TCF20: variants seen among roughly 807,000 people sequenced by gnomAD.
TCF20 encodes the protein SPRE-binding protein.
A neutral mutation model predicts 148.6 loss-of-function variants in TCF20; 3 were observed. The ratio of observed to expected loss-of-function variants is 0.02; its 90% confidence interval spans 0.01 to 0.05. The LOEUF (loss-of-function observed/expected upper bound fraction) is 0.05. Ranked by LOEUF, TCF20 falls within the 10% of genes least tolerant of loss-of-function variation. The probability of loss-of-function intolerance (pLI) is 1.00; values close to 1 mark genes in which losing one functional copy is unlikely to be tolerated. For synonymous variants in TCF20, 1,049 were observed against 909.5 expected (o/e 1.15, Z -2.76); for missense variants, 2,350 against 2,429.3 (o/e 0.97, Z 0.69).
At chr22:42,288,343 C>G (rs1027785124), upstream of TCF20, among the ~76,000 whole-genome samples, 1 of 152,082 alleles carries the variant, frequency 6.6e-6, no homozygotes. Flanking sequence ...CGAGACCATC[C>G]TGGCCAACAT....
chr22:42,188,538 C>T (rs1287617081), intron 2 of TCF20, among the ~76,000 whole-genome samples: 3 of 152,024 alleles, frequency 2.0e-5, no homozygotes, highest in African/African-American at 7.3e-5. Context: ...ATCCTGATTC[C>T]ACAGCATAAA....
intron 1 of TCF20, among the ~76,000 whole-genome samples, chr22:42,247,745 A>C (rs1246914020): frequency 3.3e-5 from 5 of 152,158 alleles, no homozygotes; most frequent in African/African-American, 1.2e-4. Context: ...ACTATTCACG[A>C]AGCTACAAGA....
At chr22:42,270,693 C>T (rs899079321), upstream of TCF20, among the ~76,000 whole-genome samples, 1 of 119,454 alleles carries the variant, frequency 8.4e-6, no homozygotes, top group African/African-American at 3.0e-5. Flanking sequence ...GGGGAGGCTC[C>T]GGGCCGCGGC....
At chr22:42,189,627 C>T (rs772302767) in intron 2 of TCF20, among the ~76,000 whole-genome samples, 2 of 152,118 alleles carry the variant, frequency 1.3e-5, no homozygotes, top group African/African-American at 2.4e-5. Context: ...TTGTAAGACA[C>T]GAGGAAGAGA....
At position 42,214,862 on chromosome 22, in the gene TCF20, A is replaced by G. The variant is rs766017296; in HGVS notation, c.444T>C (p.Gly148=). ...TGTAATCCTGCTGATAATGTGACAC[A>G]CCGCCAAGGCCAGAGTGCTGTGCTT... ...QFQAQHSGLG[G]VSHYQQDYTG... is the part of the protein sequence containing the mutation. The change falls in exon 2 of 6, where the codon GGT becomes GGC. Residue 148 remains glycine (G), a synonymous_variant. Coordinates refer to ENST00000677622, the MANE Select transcript of TCF20 (RefSeq NM_001378418.1). 2 of 1,614,136 alleles carry G rather than the reference A, an allele frequency of 1.2e-6. No homozygotes were observed. Among genetic ancestry groups the G allele is most frequent in the Non-Finnish European group, 8.5e-7 (1 of 1,180,032 alleles).
intron 2 of TCF20, among the ~76,000 whole-genome samples, chr22:42,185,343 C>A (rs1431468966): frequency 6.6e-6 from 1 of 152,200 alleles, no homozygotes; most frequent in Non-Finnish European, 1.5e-5. Context: ...TTCTTGCACC[C>A]CCCAAGGACT....
intron 3 of TCF20, among the ~76,000 whole-genome samples, chr22:42,177,652 CT>C (rs1164366361): frequency 4.6e-5 from 7 of 152,296 alleles, no homozygotes; most frequent in Admixed American, 2.0e-4. Context: ...AAACATCCCC[CT>C]ATCATCTCAG....
intron 1 of TCF20, among the ~76,000 whole-genome samples, chr22:42,248,129 A>G (rs1925071950): frequency 6.6e-6 from 1 of 152,182 alleles, no homozygotes; most frequent in Non-Finnish European, 1.5e-5. Flanking sequence ...ACTGTCAGAT[A>G]ATTGCTGTGA....
intron 1 of TCF20, among the ~76,000 whole-genome samples, chr22:42,305,975 G>A (rs1277887248): frequency 6.6e-6 from 1 of 152,314 alleles, no homozygotes; most frequent in East Asian, 1.9e-4. Context: ...GCAAAGGCTG[G>A]CATTGGCTGA....
chr22:42,224,631 A>G (rs1211130091), intron 1 of TCF20, among the ~76,000 whole-genome samples: 2 of 151,966 alleles, frequency 1.3e-5, no homozygotes, highest in African/African-American at 2.4e-5. Flanking sequence ...CAAAAAAACA[A>G]AATACCAACA....
chr22:42,311,380 C>T (rs1304711574), intron 1 of TCF20, among the ~76,000 whole-genome samples: 1 of 152,224 alleles, frequency 6.6e-6, no homozygotes, highest in Non-Finnish European at 1.5e-5. Context: ...CCCCCTGTGC[C>T]TCAGTTTCCT....
At chr22:42,289,914 G>A (rs1451987240) in intron 1 of TCF20, among the ~76,000 whole-genome samples, 1 of 152,204 alleles carries the variant, frequency 6.6e-6, no homozygotes, top group East Asian at 1.9e-4. Flanking sequence ...GCTACTTAGC[G>A]CCAGATTAAT....
chr22:42,208,584 CAACAA>C lies in TCF20; in HGVS notation c.5655+1062_5655+1066del, dbSNP rs534669206. Among the ~76,000 whole-genome samples the C allele has an allele frequency of 2.9e-3, 436 of 151,914 alleles. 1 individual carries two copies. The highest frequency in any genetic ancestry group is 8.6e-3 in the African/African-American group (357 of 41,426). ...CACCACTGCATTCCAGCCTGAGTGA[CAACAA>C]AACAAAACAAAACAAAACAAAACCA... is the stretch of plus-strand genomic sequence containing the variant. On this transcript the variant is annotated intron_variant, in intron 2 of 5. Transcript: ENST00000677622.
chr22:42,171,232 C>T (rs1451737091), intron 3 of TCF20, among the ~76,000 whole-genome samples: 1 of 152,146 alleles, frequency 6.6e-6, no homozygotes, highest in Non-Finnish European at 1.5e-5. Context: ...TGGTGCAAAA[C>T]GCGGTGGCAG....
At chr22:42,306,946 C>T (rs891225852) in intron 1 of TCF20, among the ~76,000 whole-genome samples, 25 of 149,756 alleles carry the variant, frequency 1.7e-4, no homozygotes, top group Admixed American at 1.1e-3. Context: ...TGCTGAGGCA[C>T]GAGAATCGCT....
In TCF20 at chr22:42,260,267, G is replaced by A. The variant is rs562158357; in HGVS notation, c.-37+10072C>T. On this transcript the variant is annotated intron_variant, in intron 1 of 5. Transcript: ENST00000677622. ...AACCTGTAGCTTAGAGAGCAAGAAG[G>A]AGACCAGGTCAAATGGTTTCAGAAG... 5.3e-5 allele frequency among the ~76,000 whole-genome samples: 8 copies of A among 152,288 alleles called. 1 individual carries two copies. In the South Asian group the frequency reaches 6.2e-4, roughly 12 times the overall value.
chr22:42,267,199 T>G (rs1158046219), intron 1 of TCF20, among the ~76,000 whole-genome samples: 2 of 151,436 alleles, frequency 1.3e-5, no homozygotes, highest in East Asian at 2.0e-4. Flanking sequence ...CCCTGGAGGC[T>G]GAGGTTGCAG....
At chr22:42,339,212 T>C (rs1391080060) in intron 1 of TCF20, among the ~76,000 whole-genome samples, 1 of 150,392 alleles carries the variant, frequency 6.6e-6, no homozygotes, top group Non-Finnish European at 1.5e-5. Context: ...GGTGGGCACT[T>C]ACTGGTCACT....
chr22:42,165,400 G>A (rs1414057243), intron 5 of TCF20, among the ~76,000 whole-genome samples: 1 of 152,350 alleles, frequency 6.6e-6, no homozygotes, highest in East Asian at 1.9e-4. Context: ...GCCTGTTAGG[G>A]CAAGCTGGGG....
Sources: gnomAD v4.1 joint callset for allele counts (sites outside exome capture counted in the v4.1 genomes callset) on GRCh38, gnomAD v4.1.1 for gene constraint, MANE v1.5 for transcripts, NCBI Gene and HGNC (gene_info 2026-07-23, HGNC 2026-07-21) for gene names.